Variants in UNC119B observed in about 807,000 individuals in gnomAD.
The protein encoded by UNC119B is unc-119 lipid binding chaperone B.
A neutral mutation model predicts 23.4 loss-of-function variants in UNC119B; 16 were observed. The observed-to-expected ratio is 0.68, with a 90% confidence interval of 0.46 to 1.04. The LOEUF (loss-of-function observed/expected upper bound fraction) is 1.04. UNC119B is among the 50% of genes least tolerant of loss of function. The pLI is 0.00. For missense variants in UNC119B, 350 were observed against 361.3 expected (o/e 0.97, Z 0.25); for synonymous variants, 144 against 145.4 (o/e 0.99, Z 0.07).
chr12:120,714,420 AAG>A (rs1225137228), intron 2 of UNC119B, among the ~76,000 whole-genome samples: 42 of 152,104 alleles, frequency 2.8e-4, no homozygotes, highest in African/African-American at 9.9e-4. Flanking sequence ...TCCTGGGTTC[AAG>A]AGCTTCTCCT....
intron 1 of UNC119B, 55 bp from the exon 2 acceptor site, chr12:120,713,219 A>T: frequency 7.3e-7 from 1 of 1,378,250 alleles, no homozygotes; most frequent in Non-Finnish European, 1.0e-6. Flanking sequence ...GAATTAAATA[A>T]ATGGTAGTTT....
intron 2 of UNC119B, among the ~76,000 whole-genome samples, chr12:120,714,890 A>C (rs899992720): frequency 8.5e-5 from 13 of 152,158 alleles, no homozygotes; most frequent in African/African-American, 3.1e-4. Flanking sequence ...TTCACTTGTA[A>C]TATTCCCCAC....
At chr12:120,715,374 T>G (rs914967881) in intron 2 of UNC119B, among the ~76,000 whole-genome samples, 1 of 152,158 alleles carries the variant, frequency 6.6e-6, no homozygotes, top group African/African-American at 2.4e-5. Context: ...CAGTCGCTCT[T>G]GGGCTTGTCA....
rs557599515 is a variant in UNC119B at position 120,721,963 on chromosome 12, G to C, written c.*1931G>C. 1 of 152,604 alleles carries C rather than the reference G, an allele frequency of 6.6e-6. No homozygotes were observed. The highest frequency in any genetic ancestry group is 2.4e-5 in the African/African-American group (1 of 41,432). 9.5% of individuals were successfully genotyped at this position (152,604 alleles called of 1,614,324 possible). On this transcript the variant is annotated 3_prime_UTR_variant, in exon 5 of 5. Coordinates refer to ENST00000344651, the MANE Select transcript of UNC119B (RefSeq NM_001080533.3). ...TGGGATTTGCATGTTCCTGTCAAGCGTAACAACAATCCCTTCTCTCTTTGA... is the reference window on the plus strand; with the variant it reads ...TGGGATTTGCATGTTCCTGTCAAGCCTAACAACAATCCCTTCTCTCTTTGA...
chr12:120,710,601 C>T lies in UNC119B; in HGVS notation c.127C>T (p.Gln43Ter). The change falls in exon 1 of 5, where the codon CAG (glutamine) becomes TAG (stop). Residue 43 changes from glutamine to a stop codon, truncating the protein, a stop_gained. Coordinates refer to ENST00000344651, the MANE Select transcript of UNC119B (RefSeq NM_001080533.3). LOFTEE classifies it high-confidence loss of function. ...CCTGAACCGCCTGAAGGCGCGGCGG[C>T]AGGCGCCCCACCACGCGGCCGACGA... is the stretch of plus-strand genomic sequence containing the variant. ...GVLNRLKARRQAPHHAADDGV... is the reference protein window; with the variant it reads ...GVLNRLKARR The T allele has an allele frequency of 7.0e-7, 1 of 1,432,102 alleles. No individual in the cohort carries two copies. The highest frequency in any genetic ancestry group is 9.1e-7 in the Non-Finnish European group (1 of 1,098,480). The allele number at this position is 1,432,102 out of a possible 1,614,324, so 88.7% of individuals were successfully genotyped here. A position where few individuals can be genotyped will look rare whatever the true frequency, so the allele number is the denominator to read the frequency against.
chr12:120,711,912 G>C (rs1480973440), intron 1 of UNC119B, among the ~76,000 whole-genome samples: 1 of 152,228 alleles, frequency 6.6e-6, no homozygotes, highest in Non-Finnish European at 1.5e-5. Flanking sequence ...TTTGGGTTGA[G>C]ACTGTCCTTA....
Position 120,713,261 on chromosome 12 carries a change from CTCTTG to C in UNC119B, c.245-11_245-7del. ...ATTATTTAACAGTGTTGGTTTCTCT[CTCTTG>C]TTTTCAGATTATTTATGTAAACCCG... On this transcript the variant is annotated splice_region_variant and splice_polypyrimidine_tract_variant and intron_variant, in intron 1 of 4. Coordinates refer to ENST00000344651, the MANE Select transcript of UNC119B (RefSeq NM_001080533.3). The C allele has an allele frequency of 1.7e-6, 1 of 594,520 alleles. No homozygotes were observed. 36.8% of individuals were successfully genotyped at this position (594,520 alleles called of 1,614,324 possible). A position where few individuals can be genotyped will look rare whatever the true frequency, so the allele number is the denominator to read the frequency against.
intron 1 of UNC119B, chr12:120,710,961 C>G: frequency 3.0e-6 from 1 of 328,872 alleles, no homozygotes; most frequent in Non-Finnish European, 5.4e-6. Flanking sequence ...GGATGCCCTT[C>G]GGCCGGTCGG....
chr12:120,716,463 A>G (rs1385337927), intron 2 of UNC119B, among the ~76,000 whole-genome samples, 165 bp from the exon 3 acceptor site: 1 of 152,334 alleles, frequency 6.6e-6, no homozygotes, highest in East Asian at 1.9e-4. Flanking sequence ...AGTCTGGACT[A>G]TGGCAAGTGT....
intron 4 of UNC119B, among the ~76,000 whole-genome samples, 185 bp downstream of exon 4, chr12:120,717,227 C>T (rs1409788205): frequency 6.6e-6 from 1 of 152,112 alleles, no homozygotes; most frequent in Admixed American, 6.6e-5. Flanking sequence ...AACTCTGACT[C>T]GGCCCGTATG....
intron 1 of UNC119B, chr12:120,711,885 C>G (rs920668797): frequency 1.3e-5 from 2 of 152,238 alleles, no homozygotes; most frequent in East Asian, 1.9e-4. Context: ...TTTGGATGCC[C>G]CCGTTTCCCA....
intron 2 of UNC119B, among the ~76,000 whole-genome samples, chr12:120,714,896 C>T (rs139208682): frequency 6.6e-6 from 1 of 151,972 alleles, no homozygotes; most frequent in Admixed American, 6.6e-5. Flanking sequence ...TGTAATATTC[C>T]CCACATTGAG....
chr12:120,718,150 G>GT (rs1271215037), intron 4 of UNC119B, among the ~76,000 whole-genome samples: 6 of 152,178 alleles, frequency 3.9e-5, no homozygotes, highest in Non-Finnish European at 5.9e-5. Context: ...TTACAGGCTT[G>GT]AGCCACTGCG....
intron 2 of UNC119B, 140 bp from the exon 3 acceptor site, chr12:120,716,488 A>T: frequency 2.4e-6 from 2 of 850,772 alleles, no homozygotes; most frequent in South Asian, 2.9e-5. Flanking sequence ...CTATATAGCA[A>T]GTGCGCAGTA....
Position 120,710,704 on chromosome 12 carries a change from G to T in UNC119B, c.230G>T (p.Ser77Ile). Residue 77 changes from serine (S) to isoleucine (I), a missense_variant, in exon 1 of 5, where the codon AGC becomes ATC. Ser to Ile is a moderately radical substitution (Grantham distance 142). Coordinates refer to ENST00000344651, the MANE Select transcript of UNC119B (RefSeq NM_001080533.3). The stretch of plus-strand genomic sequence containing the variant: ...CGGCCCGAGCACGTCCTGCGCCTCA[G>T]CCGGGTCACCGAGAGTGAGTGCCGC... ...TIRPEHVLRL[S>I]RVTENYLCKP... 1 of 1,428,724 alleles carries T rather than the reference G, an allele frequency of 7.0e-7. No homozygotes were observed. Among genetic ancestry groups the T allele is most frequent in the Non-Finnish European group, 9.1e-7 (1 of 1,094,198 alleles). The allele number at this position is 1,428,724 out of a possible 1,614,324, so 88.5% of individuals were successfully genotyped here.
chr12:120,713,656 AC>A (rs1414202750), intron 2 of UNC119B, among the ~76,000 whole-genome samples: 6 of 152,212 alleles, frequency 3.9e-5, no homozygotes, highest in African/African-American at 1.4e-4. Context: ...TTGAGGAATT[AC>A]TGTTATCTCT....
At chr12:120,711,959 T>C (rs1566019194) in intron 1 of UNC119B, among the ~76,000 whole-genome samples, 1 of 152,368 alleles carries the variant, frequency 6.6e-6, no homozygotes, top group East Asian at 1.9e-4. Context: ...TCTTGTTAGT[T>C]TTATTGAAAC....
At chr12:120,711,928 C>A (rs148890892) in intron 1 of UNC119B, among the ~76,000 whole-genome samples, 1 of 152,214 alleles carries the variant, frequency 6.6e-6, no homozygotes, top group African/African-American at 2.4e-5. Context: ...CCTTACCAGA[C>A]CTGAACGTAT....
intron 4 of UNC119B, 66 bp downstream of exon 4, chr12:120,717,108 C>T: frequency 6.8e-7 from 1 of 1,472,180 alleles, no homozygotes; most frequent in Non-Finnish European, 9.1e-7. Flanking sequence ...ACCTTGAAAC[C>T]CATCTGGTCC....
Sources: allele counts gnomAD v4.1 joint callset (sites outside exome capture counted in the v4.1 genomes callset), GRCh38; gene constraint gnomAD v4.1.1; transcripts MANE v1.5; gene names NCBI Gene and HGNC (gene_info 2026-07-23, HGNC 2026-07-21).